The following STOX2 variants were observed in gnomAD, a reference collection of about 807,000 sequenced individuals.
The protein encoded by STOX2 is storkhead box 2, also known as storkhead-box protein 2.
In STOX2, 28 loss-of-function variants were observed where a neutral mutation model predicts 60.9. That is an observed-to-expected ratio of 0.46 (90% CI 0.34 to 0.63). The LOEUF is 0.63. Among genes scored for constraint, STOX2 ranks in the 30% least tolerant of loss-of-function variants. STOX2 has a pLI of 0.01. For synonymous variants in STOX2, 472 were observed against 463.9 expected (o/e 1.02, Z -0.22); for missense variants, 1,024 against 1,187.7 (o/e 0.86, Z 2.03).
intron 1 of STOX2, among the ~76,000 whole-genome samples, chr4:183,851,953 C>G (rs200032552): frequency 0.017 from 280 of 16,862 alleles, 1 homozygote; most frequent in African/African-American, 0.027. Flanking sequence ...ATGAGGGAAA[C>G]GATGAGGGAA....
intron 1 of STOX2, among the ~76,000 whole-genome samples, chr4:183,877,371 A>G (rs1740852811): frequency 6.6e-6 from 1 of 152,234 alleles, no homozygotes; most frequent in Admixed American, 6.5e-5. Context: ...TTCCAGAAAG[A>G]TGATGCTAAA....
intron 1 of STOX2, among the ~76,000 whole-genome samples, chr4:183,933,609 G>T (rs1042787283): frequency 2.6e-5 from 4 of 152,032 alleles, no homozygotes; most frequent in African/African-American, 9.7e-5. Context: ...GGCTGGCCTC[G>T]AACTCCTGAC....
At chr4:183,864,455 G>A (rs1443141077) in intron 1 of STOX2, among the ~76,000 whole-genome samples, 1 of 152,134 alleles carries the variant, frequency 6.6e-6, no homozygotes, top group Admixed American at 6.5e-5. Context: ...GTGCAGTGGT[G>A]CACTCTCAGC....
At chr4:183,982,565 A>G (rs1732694378) in intron 1 of STOX2, among the ~76,000 whole-genome samples, 1 of 152,176 alleles carries the variant, frequency 6.6e-6, no homozygotes, top group African/African-American at 2.4e-5. Context: ...TTTTGTTTAG[A>G]GAATTTCTCC....
chr4:184,010,968 C>T lies in STOX2; in HGVS notation c.2130C>T (p.Thr710=), dbSNP rs368585883. ...KDTLFKPLHS[T]LSVNSYHKSS... Reference sequence around the variant, plus strand: ...CACTGTTCAAACCTCTTCACAGCACCTTGTCTGTAAACAGCTATCACAAGT... The same window carrying T: ...CACTGTTCAAACCTCTTCACAGCACTTTGTCTGTAAACAGCTATCACAAGT... Residue 710 remains threonine, a synonymous_variant, in exon 3 of 4, where the codon ACC becomes ACT. Transcript: ENST00000308497. The surrounding 1 kb of genome is among the most constrained non-coding windows in gnomAD (Gnocchi z 4.5). 27 of 1,613,370 alleles carry T rather than the reference C, an allele frequency of 1.7e-5. No individual in the cohort carries two copies. The African/African-American group carries it at 2.7e-4, about 16-fold the overall frequency.
intron 1 of STOX2, among the ~76,000 whole-genome samples, chr4:183,852,133 C>G (rs201806245): frequency 0.08 from 447 of 5,620 alleles, no homozygotes; most frequent in Admixed American, 0.11. Flanking sequence ...ATGAGGGAAA[C>G]GATGAGGGAA....
rs372128693 is a variant in STOX2 at position 184,010,597 on chromosome 4, G to A, written c.1759G>A (p.Glu587Lys). 8.1e-6 allele frequency: 13 copies of A among 1,613,850 alleles called. No individual in the cohort carries two copies. The highest frequency in any genetic ancestry group is 5.5e-5 in the South Asian group (5 of 91,078). Reference protein sequence around the residue: ...KPPESLPSYGELNSCPTKTAT... With the variant: ...KPPESLPSYGKLNSCPTKTAT... ...ACCCGAGAGTTTGCCATCCTATGGC[G>A]AACTCAACTCTTGTCCAACAAAAAC... is the stretch of plus-strand genomic sequence containing the variant. Residue 587 changes from glutamate to lysine, a missense_variant, in exon 3 of 4, where the codon GAA (glutamate) becomes AAA (lysine). By Grantham distance (56) the Glu-to-Lys change is moderately conservative (BLOSUM62 1). Around this residue, in one of 3 missense-constraint regions of STOX2, gnomAD observed 922 missense variants for 1,058.3 expected, o/e 0.87. Coordinates refer to ENST00000308497, the MANE Select transcript of STOX2 (RefSeq NM_020225.3). This position sits in a 1 kb window ranked among gnomAD's most constrained non-coding sequence, Gnocchi z 4.5.
intron 1 of STOX2, among the ~76,000 whole-genome samples, chr4:183,933,044 A>G (rs1460447800): frequency 3.9e-5 from 6 of 152,230 alleles, no homozygotes; most frequent in Non-Finnish European, 8.8e-5. Context: ...ATGACCATGA[A>G]AAATATATAA....
chr4:183,903,688 G>A (rs1741513648), upstream of STOX2, among the ~76,000 whole-genome samples: 1 of 152,134 alleles, frequency 6.6e-6, no homozygotes, highest in Non-Finnish European at 1.5e-5. Flanking sequence ...CTCTTGGGAG[G>A]TACTGAGTAA....
intron 1 of STOX2, among the ~76,000 whole-genome samples, chr4:183,828,270 G>A (rs769629210): frequency 2.6e-5 from 4 of 152,182 alleles, no homozygotes. Flanking sequence ...GGGTGTTGGC[G>A]CATTTTGCCT....
chr4:183,974,687 A>C (rs921217156), intron 1 of STOX2, among the ~76,000 whole-genome samples: 1 of 152,190 alleles, frequency 6.6e-6, no homozygotes, highest in Non-Finnish European at 1.5e-5. Flanking sequence ...GTATGTACCT[A>C]ACAACAAAGT....
At chr4:184,008,307 G>A (rs1289214592) in intron 2 of STOX2, among the ~76,000 whole-genome samples, 1 of 152,154 alleles carries the variant, frequency 6.6e-6, no homozygotes, top group African/African-American at 2.4e-5. Context: ...TAAGGTAGAC[G>A]AGGCATAAAC....
rs755147300 is a variant in STOX2 at position 183,961,356 on chromosome 4, T to TTGCTGCTGC, written c.167-39947_167-39939dup. ...AAACACATCGAACGACAAGTGATGG[T>TTGCTGCTGC]TGCTGCTGCTGCTGCTGCTGCTGCT... On this transcript the variant is annotated intron_variant, in intron 1 of 3. Coordinates refer to ENST00000308497, the MANE Select transcript of STOX2 (RefSeq NM_020225.3). 4.8e-3 allele frequency among the ~76,000 whole-genome samples: 727 copies of TTGCTGCTGC among 151,704 alleles called. 11 individuals are homozygous for TTGCTGCTGC. The highest frequency in any genetic ancestry group is 0.017 in the African/African-American group (683 of 41,310).
Position 184,017,109 on chromosome 4 carries a change from C to A in STOX2, c.2606C>A (p.Ser869Tyr). The part of the protein sequence containing the change: ...NSPRTRESLA[S>Y]NTSSIVESNR... ...TTTAGTACTCGGGAGAGCCTGGCTT[C>A]CAACACATCAAGCATTGTTGAAAGT... The change falls in exon 4 of 4, where the codon TCC becomes TAC. Residue 869 changes from serine (S) to tyrosine (Y), a missense_variant. By Grantham distance (144) the Ser-to-Tyr change is moderately radical. Transcript: ENST00000308497. 1 of 1,612,404 alleles carries A rather than the reference C, an allele frequency of 6.2e-7. No individual in the cohort carries two copies. Among genetic ancestry groups the A allele is most frequent in the Non-Finnish European group, 8.5e-7 (1 of 1,179,300 alleles).
intron 1 of STOX2, among the ~76,000 whole-genome samples, chr4:184,000,791 C>T (rs752724329): frequency 2.0e-5 from 3 of 152,158 alleles, no homozygotes; most frequent in African/African-American, 7.2e-5. Context: ...GTGCCTGCCA[C>T]GCAGCATTGC....
intron 1 of STOX2, among the ~76,000 whole-genome samples, chr4:183,941,507 G>T (rs1685572772): frequency 6.6e-6 from 1 of 152,194 alleles, no homozygotes; most frequent in South Asian, 2.1e-4. Flanking sequence ...GGCAGAGGCT[G>T]CAGTGAGCTG....
chr4:183,966,319 A>T (rs1438747302), intron 1 of STOX2, among the ~76,000 whole-genome samples: 1 of 152,234 alleles, frequency 6.6e-6, no homozygotes, highest in African/African-American at 2.4e-5. Context: ...GGAAACTCAG[A>T]CCATAGTTAT....
rs1031014032 is a variant in STOX2, at chr4:183,911,238, C to G, written c.166+4282C>G. Among the ~76,000 whole-genome samples the G allele has an allele frequency of 1.3e-4, 20 of 152,334 alleles. No individual in the cohort carries two copies. In the East Asian group the frequency reaches 3.1e-3, roughly 23 times the overall value. ...AATAGTGCTCATTTTGCGATACAATCCTATTCCCTATCATCCTGAAATGTT... is the reference window on the plus strand; with the variant it reads ...AATAGTGCTCATTTTGCGATACAATGCTATTCCCTATCATCCTGAAATGTT... On this transcript the variant is annotated intron_variant, in intron 1 of 3. Coordinates refer to ENST00000308497, the MANE Select transcript of STOX2 (RefSeq NM_020225.3).
intron 1 of STOX2, among the ~76,000 whole-genome samples, chr4:183,913,686 T>G (rs941504623): frequency 6.6e-6 from 1 of 151,860 alleles, no homozygotes; most frequent in African/African-American, 2.4e-5. Context: ...CAGGAGAATC[T>G]CTTGAACCCT....
Sources: allele counts gnomAD v4.1 joint callset (sites outside exome capture counted in the v4.1 genomes callset), GRCh38; gene constraint gnomAD v4.1.1; regional missense constraint gnomAD v4.1.1; non-coding constraint Gnocchi (gnomAD v3.1); transcripts MANE v1.5; gene names NCBI Gene and HGNC (gene_info 2026-07-23, HGNC 2026-07-21).